Variants in ZNF534 observed in about 807,000 individuals in gnomAD.
The protein encoded by ZNF534 is zinc finger protein 534.
Under a neutral mutation model 13.6 loss-of-function variants are expected in ZNF534, and 19 were observed. That is an observed-to-expected ratio of 1.40 (90% CI 0.97 to 2.05). The LOEUF is 2.05. Among genes scored for constraint, ZNF534 ranks in the 30% most tolerant of loss-of-function variants. ZNF534 has a pLI of 0.00. For synonymous variants in ZNF534, 244 were observed against 273.8 expected (o/e 0.89, Z 1.07); for missense variants, 782 against 796.3 (o/e 0.98, Z 0.22).
chr19:52,431,329 C>A, intron 1 of ZNF534, 79 bp from the exon 2 acceptor site: 1 of 1,067,490 alleles, frequency 9.4e-7, no homozygotes, highest in South Asian at 1.5e-5. Flanking sequence ...AAGGTGAAGT[C>A]TTCCCTTTTT....
At chr19:52,436,690 T>A (rs2059130968) in intron 4 of ZNF534, among the ~76,000 whole-genome samples, 1 of 152,198 alleles carries the variant, frequency 6.6e-6, no homozygotes, top group Admixed American at 6.5e-5. Context: ...TCTTTCAGTT[T>A]GCTCATTGTT....
At chr19:52,451,279 G>A (rs1215193319) in exon 5 of ZNF534, 4 of 1,033,798 alleles carry the variant, frequency 3.9e-6, no homozygotes, top group Non-Finnish European at 5.9e-6. Flanking sequence ...CCCAAACTTT[G>A]TGGGAAATGA....
Position 52,440,111 on chromosome 19 carries a change from T to A in ZNF534, c.*665T>A, listed in dbSNP as rs79011233. ...AAGTTATGAAGCCTCACAAAAGTAATAAATATGGCAAAGAATTTCATATGA... is the reference window on the plus strand; with the variant it reads ...AAGTTATGAAGCCTCACAAAAGTAAAAAATATGGCAAAGAATTTCATATGA... On this transcript the variant is annotated 3_prime_UTR_variant, in exon 5 of 5. Coordinates refer to ENST00000433050, the MANE Select transcript of ZNF534 (RefSeq NM_001143938.3). Among the ~76,000 whole-genome samples, 3,913 of 152,242 alleles carry A rather than the reference T, an allele frequency of 0.026. 173 individuals carry two copies. The highest frequency in any genetic ancestry group is 0.09 in the African/African-American group (3,716 of 41,506).
chr19:52,442,901 ATTCTT>A (rs2059181445), downstream of ZNF534, among the ~76,000 whole-genome samples: 1 of 152,214 alleles, frequency 6.6e-6, no homozygotes, highest in African/African-American at 2.4e-5. Flanking sequence ...AGTCACGCTT[ATTCTT>A]TTCTTGAGTA....
chr19:52,449,376 CTT>C (rs397818170), intron 4 of ZNF534, among the ~76,000 whole-genome samples: 10 of 151,294 alleles, frequency 6.6e-5, no homozygotes, highest in African/African-American at 2.0e-4. Flanking sequence ...CTCTCTCTCT[CTT>C]TCTCTCTTTC....
In ZNF534 at chr19:52,439,525, T is replaced by C. The variant is rs1285124056; in HGVS notation, c.*79T>C. The C allele has an allele frequency of 3.0e-6, 4 of 1,316,898 alleles. No homozygotes were observed. The highest frequency in any genetic ancestry group is 4.1e-6 in the Non-Finnish European group (4 of 980,022). 81.6% of individuals were successfully genotyped at this position (1,316,898 alleles called of 1,614,324 possible). On this transcript the variant is annotated 3_prime_UTR_variant, in exon 5 of 5. Transcript: ENST00000433050. ...TTGGGAGTCCGAGGCAGGTGGATCA[T>C]GAGGTCAGGAGATTGAGACCATCCT...
intron 4 of ZNF534, among the ~76,000 whole-genome samples, chr19:52,447,991 A>G (rs2059200289): frequency 6.6e-6 from 1 of 152,028 alleles, no homozygotes; most frequent in African/African-American, 2.4e-5. Flanking sequence ...GACAAATTGT[A>G]TATAATTGCT....
chr19:52,445,417 G>A (rs186646269), downstream of ZNF534, among the ~76,000 whole-genome samples: 7 of 151,978 alleles, frequency 4.6e-5, no homozygotes, highest in African/African-American at 1.7e-4. Context: ...GGCTGGTCTC[G>A]AACTCCTGAC....
chr19:52,447,718 TAGAC>T (rs1282213252), intron 4 of ZNF534, among the ~76,000 whole-genome samples: 7 of 152,080 alleles, frequency 4.6e-5, no homozygotes, highest in Non-Finnish European at 4.4e-5. Context: ...CGCAGTGTAG[TAGAC>T]AGAACACTGA....
chr19:52,433,764 A>G (rs555037703), intron 2 of ZNF534, 191 bp from the exon 3 acceptor site: 15 of 682,986 alleles, frequency 2.2e-5, no homozygotes, highest in South Asian at 2.0e-4. Flanking sequence ...GATTTAAAGA[A>G]TGTCATCACT....
chr19:52,433,576 C>T (rs973779566), intron 2 of ZNF534, among the ~76,000 whole-genome samples: 11 of 152,182 alleles, frequency 7.2e-5, no homozygotes, highest in Non-Finnish European at 1.5e-4. Context: ...CCGTGTTGGC[C>T]AAGATGGTCT....
chr19:52,451,433 C>G (rs1327530247), exon 5 of ZNF534: 6 of 652,866 alleles, frequency 9.2e-6, no homozygotes, highest in Non-Finnish European at 1.6e-5. Flanking sequence ...CCGCGCAGTG[C>G]GGCGCCGCAC....
At chr19:52,444,285 A>C (rs1026469071), downstream of ZNF534, among the ~76,000 whole-genome samples, 1 of 152,080 alleles carries the variant, frequency 6.6e-6, no homozygotes, top group African/African-American at 2.4e-5. Flanking sequence ...TGATCTAGCC[A>C]CCCAGCAGGT....
At chr19:52,450,952 C>G (rs1238192087) in intron 4 of ZNF534, among the ~76,000 whole-genome samples, 1 of 152,002 alleles carries the variant, frequency 6.6e-6, no homozygotes, top group Non-Finnish European at 1.5e-5. Flanking sequence ...TCCCAAAGTG[C>G]TGGAATTACA....
At chr19:52,433,720 G>A (rs1341712548) in intron 2 of ZNF534, among the ~76,000 whole-genome samples, 1 of 152,146 alleles carries the variant, frequency 6.6e-6, no homozygotes, top group Non-Finnish European at 1.5e-5. Context: ...TGTTTGTATT[G>A]CTTGTATTAT....
chr19:52,444,506 GAGCATC>G (rs1237378974), downstream of ZNF534, among the ~76,000 whole-genome samples: 14 of 152,142 alleles, frequency 9.2e-5, no homozygotes, highest in Non-Finnish European at 1.9e-4. Context: ...GCTTTCAAGA[GAGCATC>G]AGCTGTGGTA....
chr19:52,441,293 T>C lies in ZNF534; in HGVS notation c.*1847T>C, dbSNP rs2059171358. On this transcript the variant is annotated 3_prime_UTR_variant, in exon 5 of 5. Transcript: ENST00000433050. ...CCTTTGGGAGGCCAAGGTGAGAGGA[T>C]TGCTTGAACCCAGGAGTTTGAGACC... is the stretch of plus-strand genomic sequence containing the variant. Among the ~76,000 whole-genome samples, 1 of 152,114 alleles carries C rather than the reference T, an allele frequency of 6.6e-6. No homozygotes were observed. Among genetic ancestry groups the C allele is most frequent in the Non-Finnish European group, 1.5e-5 (1 of 68,012 alleles).
chr19:52,439,189 C>G lies in ZNF534; in HGVS notation c.1729C>G (p.Pro577Ala). 3.9e-6 allele frequency: 6 copies of G among 1,540,054 alleles called. No homozygotes were observed. Among genetic ancestry groups the G allele is most frequent in the Middle Eastern group, 1.7e-4 (1 of 5,860 alleles). The change falls in exon 5 of 5, where the codon CCT becomes GCT. Residue 577 changes from proline to alanine, a missense_variant. This residue lies in a region of ZNF534 where 591 missense variants were observed against 574.0 expected (regional missense o/e 1.03). Coordinates refer to ENST00000433050, the MANE Select transcript of ZNF534 (RefSeq NM_001143938.3). ...RHRNIHTGEK[P>A]HSCNECGKVF... is the part of the protein sequence containing the mutation. ...TAGGAATATTCATACTGGAGAGAAG[C>G]CTCACAGTTGTAATGAATGTGGCAA...
intron 4 of ZNF534, 90 bp from the exon 5 acceptor site, chr19:52,437,632 ATTTCAATGTC>A: frequency 8.3e-7 from 1 of 1,206,776 alleles, no homozygotes; most frequent in Non-Finnish European, 1.1e-6. Flanking sequence ...TATGCTGATA[ATTTCAATGTC>A]TGAGTGAAGT....
Sources: gnomAD v4.1 joint callset for allele counts (sites outside exome capture counted in the v4.1 genomes callset) on GRCh38, gnomAD v4.1.1 for gene constraint, gnomAD v4.1.1 regional missense constraint, MANE v1.5 for transcripts, NCBI Gene and HGNC (gene_info 2026-07-23, HGNC 2026-07-21) for gene names.